Variants in SNTG1 observed in about 807,000 individuals in gnomAD.
SNTG1 encodes syntrophin gamma 1.
Under a neutral mutation model 74.7 loss-of-function variants are expected in SNTG1, and 39 were observed. The observed-to-expected ratio is 0.52, with a 90% confidence interval of 0.40 to 0.68. SNTG1 has a LOEUF of 0.68. Ranked by LOEUF, SNTG1 falls within the 30% of genes least tolerant of loss-of-function variation. The pLI is 0.00. For missense variants in SNTG1, 685 were observed against 609.5 expected, an observed-to-expected ratio of 1.12 and a Z score of -1.30; for synonymous variants, 254 against 217.1, an observed-to-expected ratio of 1.17 and a Z score of -1.49.
rs575172971 is a variant in SNTG1 at position 50,212,865 on chromosome 8, G to C, written c.-28+40230G>C. On this transcript the variant is annotated intron_variant, in intron 2 of 18. Transcript: ENST00000642720. ...GTTGTAAGATCAGACTGACCAATTT[G>C]AATAGAAGTTTTGGCTGGAAGTTCT... 1.8e-3 allele frequency among the ~76,000 whole-genome samples: 278 copies of C among 152,284 alleles called. 2 individuals are homozygous for C. Among genetic ancestry groups the C allele is most frequent in the African/African-American group, 6.3e-3 (262 of 41,578 alleles).
intron 13 of SNTG1, among the ~76,000 whole-genome samples, chr8:50,635,223 C>A (rs949580116): frequency 1.3e-5 from 2 of 152,130 alleles, no homozygotes; most frequent in African/African-American, 4.8e-5. Flanking sequence ...GGACTCAATA[C>A]CTGTCCCTCT....
chr8:50,222,938 TAGG>T (rs2085144689), intron 2 of SNTG1, among the ~76,000 whole-genome samples: 1 of 151,952 alleles, frequency 6.6e-6, no homozygotes. Flanking sequence ...AAATCACTCA[TAGG>T]AGAAGGGGCA....
intron 15 of SNTG1, among the ~76,000 whole-genome samples, chr8:50,701,821 T>G (rs1036737267): frequency 5.5e-5 from 8 of 145,514 alleles, no homozygotes; most frequent in African/African-American, 2.1e-4. Context: ...CTTCTTCTTC[T>G]CCTCCTCCTC....
At chr8:49,990,140 A>G (rs1413909713) in intron 1 of SNTG1, among the ~76,000 whole-genome samples, 2 of 151,894 alleles carry the variant, frequency 1.3e-5, no homozygotes, top group Non-Finnish European at 2.9e-5. Context: ...AAGAAATACA[A>G]CTGTCTCTAT....
chr8:50,097,312 T>C (rs1302794409), intron 1 of SNTG1, among the ~76,000 whole-genome samples: 1 of 150,692 alleles, frequency 6.6e-6, no homozygotes, highest in Non-Finnish European at 1.5e-5. Flanking sequence ...TTTGATATAG[T>C]CCATGTTGAA....
chr8:50,781,281 T>G (rs1006250978), intron 18 of SNTG1, among the ~76,000 whole-genome samples: 15 of 152,192 alleles, frequency 9.9e-5, no homozygotes, highest in Non-Finnish European at 1.9e-4. Context: ...GTCTCATTGA[T>G]CTGTCTAATG....
At chr8:50,718,673 C>G (rs1369238510) in intron 17 of SNTG1, among the ~76,000 whole-genome samples, 1 of 152,080 alleles carries the variant, frequency 6.6e-6, no homozygotes, top group African/African-American at 2.4e-5. Flanking sequence ...CACTGTCAGT[C>G]AAAGCATGTC....
At chr8:50,448,465 G>A (rs2131613361) in intron 5 of SNTG1, among the ~76,000 whole-genome samples, 1 of 152,200 alleles carries the variant, frequency 6.6e-6, no homozygotes, top group Non-Finnish European at 1.5e-5. Flanking sequence ...AAAAGCTTAG[G>A]TGGTTTACAT....
chr8:50,515,499 G>T (rs2094125311), intron 9 of SNTG1, among the ~76,000 whole-genome samples: 2 of 150,012 alleles, frequency 1.3e-5, no homozygotes, highest in Non-Finnish European at 3.0e-5. Context: ...GAGCCAAATG[G>T]TGTAGCTCAG....
intron 2 of SNTG1, among the ~76,000 whole-genome samples, chr8:50,374,829 C>CT (rs981982095): frequency 4.8e-4 from 73 of 151,938 alleles, no homozygotes; most frequent in African/African-American, 1.6e-3. Context: ...CAATTTGATC[C>CT]TTTTTTTTAG....
At chr8:49,969,316 A>T (rs1422536389) in intron 1 of SNTG1, among the ~76,000 whole-genome samples, 3 of 151,976 alleles carry the variant, frequency 2.0e-5, no homozygotes, top group Admixed American at 2.0e-4. Flanking sequence ...GGATGCCATA[A>T]ACTACTTTAT....
intron 1 of SNTG1, among the ~76,000 whole-genome samples, chr8:49,933,789 T>C (rs1157197915): frequency 6.6e-6 from 1 of 152,242 alleles, no homozygotes; most frequent in Non-Finnish European, 1.5e-5. Context: ...TGTGAGCCCA[T>C]TCACTTTTAT....
Position 49,927,464 on chromosome 8 carries a change from A to T in SNTG1, c.-103+15233A>T, listed in dbSNP as rs117369593. 3.3e-5 allele frequency among the ~76,000 whole-genome samples: 5 copies of T among 152,310 alleles called. No homozygotes were observed. The East Asian group carries it at 9.7e-4, about 29-fold the overall frequency. ...TAAGCCATGTAAAGACATGGACTAT[A>T]TGTGAAATATATGTTAATATTAACT... On this transcript the variant is annotated intron_variant, in intron 1 of 18. Transcript: ENST00000642720.
intron 2 of SNTG1, 74 bp downstream of exon 2, chr8:50,172,709 C>T (rs1586580098): frequency 6.7e-6 from 1 of 150,170 alleles, no homozygotes; most frequent in East Asian, 2.0e-4. Flanking sequence ...GTCTACACTT[C>T]TAAGAGACAA....
intron 2 of SNTG1, among the ~76,000 whole-genome samples, chr8:50,379,391 A>T (rs1409566555): frequency 1.3e-5 from 2 of 152,106 alleles, no homozygotes; most frequent in East Asian, 3.9e-4. Flanking sequence ...TCACAGCTGC[A>T]GTTGGGCAGC....
intron 4 of SNTG1, among the ~76,000 whole-genome samples, chr8:50,436,978 A>G (rs2093310199): frequency 1.3e-5 from 2 of 152,276 alleles, no homozygotes; most frequent in East Asian, 3.9e-4. Flanking sequence ...TGAAAAATAA[A>G]AACAGACTTT....
At chr8:50,052,232 A>G (rs1819638351) in intron 1 of SNTG1, among the ~76,000 whole-genome samples, 1 of 152,106 alleles carries the variant, frequency 6.6e-6, no homozygotes, top group Non-Finnish European at 1.5e-5. Flanking sequence ...ACACATGTAA[A>G]TTAATAGAGT....
chr8:49,937,569 G>A (rs936568825), intron 1 of SNTG1, among the ~76,000 whole-genome samples: 1 of 152,138 alleles, frequency 6.6e-6, no homozygotes, highest in Admixed American at 6.5e-5. Context: ...GAGTACTGAT[G>A]GAGATCTAAC....
intron 1 of SNTG1, among the ~76,000 whole-genome samples, chr8:49,972,485 G>A (rs922214933): frequency 2.6e-5 from 4 of 152,150 alleles, no homozygotes; most frequent in Non-Finnish European, 4.4e-5. Context: ...AACATCAAAA[G>A]CAATGGCAAC....
Sources: gnomAD v4.1 joint callset for allele counts (sites outside exome capture counted in the v4.1 genomes callset) on GRCh38, gnomAD v4.1.1 for gene constraint, MANE v1.5 for transcripts, NCBI Gene and HGNC (gene_info 2026-07-23, HGNC 2026-07-21) for gene names.